The following ARHGEF11 variants were observed in gnomAD, a reference collection of about 807,000 sequenced individuals.
The protein encoded by ARHGEF11 is Rho guanine nucleotide exchange factor 11, also known as Rho guanine exchange factor (GEF) 11.
ARHGEF11 carries 55 observed loss-of-function variants against 193.7 expected under a neutral mutation model. The observed-to-expected ratio is 0.28, with a 90% CI of 0.23 to 0.36. ARHGEF11 has a LOEUF of 0.36. Ranked by LOEUF, ARHGEF11 falls within the 10% of genes least tolerant of loss-of-function variation. The pLI, the probability that ARHGEF11 is intolerant of heterozygous loss-of-function variation, is 1.00. For synonymous variants in ARHGEF11, 693 were observed against 768.0 expected (o/e 0.90, Z 1.62); for missense variants, 1,723 against 2,005.6 (o/e 0.86, Z 2.69).
chr1:157,009,724 G>A (rs1422844286), intron 1 of ARHGEF11, among the ~76,000 whole-genome samples: 2 of 152,164 alleles, frequency 1.3e-5, no homozygotes, highest in Non-Finnish European at 2.9e-5. Context: ...TAAGCTAGCT[G>A]GAAAACTTCT....
At chr1:157,007,592 A>C (rs1311174554) in intron 1 of ARHGEF11, among the ~76,000 whole-genome samples, 1 of 152,198 alleles carries the variant, frequency 6.6e-6, no homozygotes, top group Non-Finnish European at 1.5e-5. Context: ...TGCACACAGA[A>C]GTGAGTTGTC....
intron 3 of ARHGEF11, among the ~76,000 whole-genome samples, chr1:156,981,751 AG>A (rs534189811): frequency 1.3e-5 from 2 of 152,240 alleles, no homozygotes; most frequent in Non-Finnish European, 2.9e-5. Flanking sequence ...CTGGGATTAT[AG>A]GCATGTGTCA....
At chr1:156,936,337 C>A (rs530027232) in intron 40 of ARHGEF11, 1 of 580,130 alleles carries the variant, frequency 1.7e-6, no homozygotes, top group Non-Finnish European at 3.3e-6. Context: ...ATCATTTAAT[C>A]AGCACGAGTC....
chr1:156,978,121 T>C, intron 6 of ARHGEF11, 83 bp downstream of exon 6: 1 of 1,567,976 alleles, frequency 6.4e-7, no homozygotes, highest in African/African-American at 1.4e-5. Context: ...ACAGCCCCAC[T>C]GGATTTAACT....
chr1:156,981,555 C>T (rs969855529), intron 3 of ARHGEF11, among the ~76,000 whole-genome samples: 13 of 152,342 alleles, frequency 8.5e-5, no homozygotes, highest in African/African-American at 2.9e-4. Flanking sequence ...TGGCTCACCG[C>T]AGCCTCAACA....
chr1:157,024,251 A>G (rs545431919), intron 1 of ARHGEF11, among the ~76,000 whole-genome samples: 2 of 152,296 alleles, frequency 1.3e-5, no homozygotes, highest in South Asian at 4.1e-4. Flanking sequence ...GATAAGGTAG[A>G]CTAGTGGTTG....
intron 1 of ARHGEF11, among the ~76,000 whole-genome samples, chr1:157,001,688 A>G (rs1383838620): frequency 6.6e-6 from 1 of 152,198 alleles, no homozygotes; most frequent in African/African-American, 2.4e-5. Context: ...ATCCCAGACC[A>G]TTCTGTGGGA....
At chr1:157,028,008 G>C (rs536120841) in intron 1 of ARHGEF11, among the ~76,000 whole-genome samples, 1 of 152,214 alleles carries the variant, frequency 6.6e-6, no homozygotes. Flanking sequence ...GTGCCAGAGT[G>C]AAGAAGTCTC....
At chr1:156,976,078 C>G (rs1231592065) in intron 7 of ARHGEF11, among the ~76,000 whole-genome samples, 1 of 152,172 alleles carries the variant, frequency 6.6e-6, no homozygotes, top group Non-Finnish European at 1.5e-5. Flanking sequence ...ATCTTTGTAA[C>G]CATTCCAACA....
chr1:157,000,850 T>C (rs1281229676), intron 1 of ARHGEF11, among the ~76,000 whole-genome samples: 1 of 152,042 alleles, frequency 6.6e-6, no homozygotes, highest in Non-Finnish European at 1.5e-5. Context: ...CCAGCTGTAA[T>C]GGGGGGCAGA....
intron 18 of ARHGEF11, among the ~76,000 whole-genome samples, chr1:156,957,379 C>T (rs939070192): frequency 6.6e-6 from 1 of 152,170 alleles, no homozygotes. Context: ...AGGAACTATG[C>T]TGCACCCCAG....
At chr1:157,040,356 C>T (rs889997200) in intron 1 of ARHGEF11, among the ~76,000 whole-genome samples, 2 of 152,182 alleles carry the variant, frequency 1.3e-5, no homozygotes, top group Admixed American at 6.5e-5. Context: ...CAATAAAGAC[C>T]AGAAGCCAAG....
chr1:156,941,968 C>T lies in ARHGEF11; in HGVS notation c.3348G>A (p.Glu1116=). 6.2e-7 allele frequency: 1 copy of T among 1,614,116 alleles called. No homozygotes were observed. The highest frequency in any genetic ancestry group is 8.5e-7 in the Non-Finnish European group (1 of 1,180,012). ...GGTGCCTGGTGGCATTCCGCACGGC[C>T]TCTTCTAAGAGCTCCATCCATCTGT... ...DKNTWMELLE[E]AVRNATRHPG... is the part of the protein sequence containing the mutation. The change falls in exon 34 of 41, where the codon GAG becomes GAA. Residue 1116 remains glutamate (E), a synonymous_variant. Transcript: ENST00000368194.
At chr1:156,942,384 T>C (rs1657189420) in intron 33 of ARHGEF11, among the ~76,000 whole-genome samples, 1 of 152,170 alleles carries the variant, frequency 6.6e-6, no homozygotes, top group Non-Finnish European at 1.5e-5. Context: ...GGCAAATGCC[T>C]GAGAAGGATG....
chr1:157,018,536 T>G (rs1224163435), intron 1 of ARHGEF11, among the ~76,000 whole-genome samples: 1 of 151,718 alleles, frequency 6.6e-6, no homozygotes, highest in Non-Finnish European at 1.5e-5. Context: ...TCCCAGTTAC[T>G]TGGGAGGCTG....
chr1:156,958,748 T>A lies in ARHGEF11; in HGVS notation c.1496A>T (p.Asp499Val), dbSNP rs773596462. 5 of 1,614,002 alleles carry A rather than the reference T, an allele frequency of 3.1e-6. No homozygotes were observed. The highest frequency in any genetic ancestry group is 1.6e-4 in the Middle Eastern group (1 of 6,062). Residue 499 changes from aspartate to valine, a missense_variant, in exon 17 of 41, where the codon GAT becomes GTT. Asp to Val is a radical substitution (Grantham distance 152, BLOSUM62 -3). Around this residue, in one of 5 missense-constraint regions of ARHGEF11, gnomAD observed 646 missense variants for 710.7 expected, o/e 0.91. Coordinates refer to ENST00000368194, the MANE Select transcript of ARHGEF11 (RefSeq NM_198236.3). ...VAEKQLAALG[D>V]ILSKYEEDRS... The stretch of plus-strand genomic sequence containing the variant: ...AGGAAGCTGAAAGACTCACAAAATA[T>A]CTCCAAGGGCAGCCAGCTGCTTCTC...
intron 22 of ARHGEF11, among the ~76,000 whole-genome samples, chr1:156,951,205 G>A (rs1263526669): frequency 1.3e-5 from 2 of 152,080 alleles, no homozygotes; most frequent in Non-Finnish European, 2.9e-5. Context: ...TTTTTCCCCA[G>A]GACTCCCTCT....
At chr1:157,021,618 C>T (rs146737898) in intron 1 of ARHGEF11, among the ~76,000 whole-genome samples, 77 of 152,090 alleles carry the variant, frequency 5.1e-4, no homozygotes, top group South Asian at 2.1e-3. Context: ...AGATGCTAAA[C>T]GAGAGGCCAA....
At chr1:156,994,951 TG>T (rs1444331149) in intron 1 of ARHGEF11, among the ~76,000 whole-genome samples, 1 of 152,224 alleles carries the variant, frequency 6.6e-6, no homozygotes, top group African/African-American at 2.4e-5. Context: ...CCTGATCAAA[TG>T]TTTCCTCCTC....
Sources: allele counts gnomAD v4.1 joint callset (sites outside exome capture counted in the v4.1 genomes callset), GRCh38; gene constraint gnomAD v4.1.1; regional missense constraint gnomAD v4.1.1; transcripts MANE v1.5; gene names NCBI Gene and HGNC (gene_info 2026-07-23, HGNC 2026-07-21).